Variants in THSD7A observed in about 807,000 individuals in gnomAD.
THSD7A encodes the protein thrombospondin type-1 domain-containing protein 7A.
Under a neutral mutation model 231.3 loss-of-function variants are expected in THSD7A, and 96 were observed. That is an observed-to-expected ratio of 0.41 (90% CI 0.35 to 0.49). THSD7A has a LOEUF of 0.49. Ranked by LOEUF, THSD7A falls within the 20% of genes least tolerant of loss-of-function variation. The probability of loss-of-function intolerance (pLI) is 0.05; values close to 1 mark genes in which losing one functional copy is unlikely to be tolerated. For synonymous variants in THSD7A, 940 were observed against 743.3 expected (o/e 1.26, Z -4.30); for missense variants, 2,290 against 2,070.2 (o/e 1.11, Z -2.06).
chr7:11,824,055 C>T (rs1784954458), intron 1 of THSD7A, among the ~76,000 whole-genome samples: 1 of 152,020 alleles, frequency 6.6e-6, no homozygotes, highest in Admixed American at 6.6e-5. Context: ...GCTGTCATCA[C>T]TTGAATGCAT....
chr7:11,682,469 A>G (rs1161084287), intron 1 of THSD7A, among the ~76,000 whole-genome samples: 4 of 152,130 alleles, frequency 2.6e-5, no homozygotes, highest in Non-Finnish European at 5.9e-5. Flanking sequence ...ATCAGATAAA[A>G]CAGTCTTAAA....
At position 11,706,278 on chromosome 7, in the gene THSD7A, G is replaced by C. The variant is rs2355064; in HGVS notation, c.191-69317C>G. Among the ~76,000 whole-genome samples, 1,161 of 150,926 alleles carry C rather than the reference G, an allele frequency of 7.7e-3. 14 individuals carry two copies. Among genetic ancestry groups the C allele is most frequent in the African/African-American group, 0.027 (1,096 of 41,356 alleles). ...GTCCCATGTCAACCCAAGTGCTGTGGTCTTGTCTGTGAGTGCACACTACAC... is the reference window on the plus strand; with the variant it reads ...GTCCCATGTCAACCCAAGTGCTGTGCTCTTGTCTGTGAGTGCACACTACAC... On this transcript the variant is annotated intron_variant, in intron 1 of 27. Coordinates refer to ENST00000423059, the MANE Select transcript of THSD7A (RefSeq NM_015204.3).
In THSD7A at chr7:11,429,121, G is replaced by C. The variant is rs1784406246; in HGVS notation, c.3069C>G (p.Tyr1023Ter). ...VETSRCNSHG[Y>*]IEEACIIPCP... ...AGGGGATGATGCAGGCCTCCTCAATGTAACCTGAGTAGAGGAAAATGAGAC... is the reference window on the plus strand; with the variant it reads ...AGGGGATGATGCAGGCCTCCTCAATCTAACCTGAGTAGAGGAAAATGAGAC... Residue 1023 changes from tyrosine (Y) to a stop codon, truncating the protein, a stop_gained, in exon 14 of 28, where the codon TAC (tyrosine) becomes TAG (stop). Transcript: ENST00000423059. LOFTEE classifies it high-confidence loss of function. 1 of 1,575,022 alleles carries C rather than the reference G, an allele frequency of 6.3e-7. No individual in the cohort carries two copies. The highest frequency in any genetic ancestry group is 8.6e-7 in the Non-Finnish European group (1 of 1,165,274).
chr7:11,746,530 G>T (rs532717800), intron 1 of THSD7A, among the ~76,000 whole-genome samples: 1 of 151,742 alleles, frequency 6.6e-6, no homozygotes, highest in Non-Finnish European at 1.5e-5. Context: ...GAGGAGTACT[G>T]GTCACATATT....
At chr7:11,658,169 CA>C (rs1782780753) in intron 1 of THSD7A, among the ~76,000 whole-genome samples, 2 of 151,758 alleles carry the variant, frequency 1.3e-5, no homozygotes, top group Non-Finnish European at 2.9e-5. Context: ...AAAACTGAAG[CA>C]GCTGCTGAAA....
At chr7:11,481,526 G>T (rs1409019417) in intron 7 of THSD7A, among the ~76,000 whole-genome samples, 1 of 152,074 alleles carries the variant, frequency 6.6e-6, no homozygotes, top group African/African-American at 2.4e-5. Flanking sequence ...GGTTTACAAA[G>T]AACTCTAATG....
At position 11,597,976 on chromosome 7, in the gene THSD7A, G is replaced by A. The variant is rs573589629; in HGVS notation, c.1023-4474C>T. Among the ~76,000 whole-genome samples, 226 of 152,270 alleles carry A rather than the reference G, an allele frequency of 1.5e-3. 1 individual carries two copies. Among genetic ancestry groups the A allele is most frequent in the Non-Finnish European group, 1.1e-3 (76 of 68,028 alleles). On this transcript the variant is annotated intron_variant, in intron 2 of 27. Coordinates refer to ENST00000423059, the MANE Select transcript of THSD7A (RefSeq NM_015204.3). ...GTTGACAGAGGAAGAGAAGACTAGGGTCTGGTTCAAAGATGGTTCTGCACG... is the reference window on the plus strand; with the variant it reads ...GTTGACAGAGGAAGAGAAGACTAGGATCTGGTTCAAAGATGGTTCTGCACG...
intron 2 of THSD7A, among the ~76,000 whole-genome samples, chr7:11,618,959 A>G (rs1356614122): frequency 6.6e-6 from 1 of 152,014 alleles, no homozygotes; most frequent in Non-Finnish European, 1.5e-5. Context: ...TTTATATTTT[A>G]ATGAATCGTT....
chr7:11,527,996 A>G (rs977058055), intron 6 of THSD7A, among the ~76,000 whole-genome samples: 2 of 152,130 alleles, frequency 1.3e-5, no homozygotes, highest in African/African-American at 4.8e-5. Flanking sequence ...CTACAAAAAA[A>G]TAAAAACTTA....
chr7:11,547,088 C>A (rs996023625), intron 4 of THSD7A, among the ~76,000 whole-genome samples: 3 of 152,138 alleles, frequency 2.0e-5, no homozygotes, highest in Non-Finnish European at 4.4e-5. Context: ...GACTCACTGG[C>A]ATCTCTGAAA....
intron 1 of THSD7A, among the ~76,000 whole-genome samples, chr7:11,701,755 C>T (rs976502522): frequency 6.6e-6 from 1 of 151,096 alleles, no homozygotes; most frequent in Non-Finnish European, 1.5e-5. Context: ...TTACAAAGCC[C>T]TAGCTGACAT....
chr7:11,820,330 G>T, intron 1 of THSD7A: 1 of 842,994 alleles, frequency 1.2e-6, no homozygotes, highest in Non-Finnish European at 1.7e-6. Flanking sequence ...CTCGGTTGTG[G>T]GCTGTAAATT....
intron 2 of THSD7A, among the ~76,000 whole-genome samples, chr7:11,596,385 A>T (rs1238502724): frequency 6.6e-6 from 1 of 152,134 alleles, no homozygotes; most frequent in African/African-American, 2.4e-5. Context: ...ATGGAGTTTT[A>T]GCTCAGGTCC....
intron 1 of THSD7A, chr7:11,820,450 A>C (rs368598439): frequency 5.4e-6 from 7 of 1,306,832 alleles, no homozygotes; most frequent in African/African-American, 3.0e-5. Context: ...TTTCCAGAAC[A>C]TGAACCGGCC....
intron 13 of THSD7A, among the ~76,000 whole-genome samples, chr7:11,436,332 T>G (rs552901266): frequency 1.3e-5 from 2 of 152,124 alleles, no homozygotes; most frequent in Non-Finnish European, 2.9e-5. Flanking sequence ...AAATCTAATA[T>G]TGCCATGAAA....
rs1238179674 is a variant in THSD7A, at chr7:11,824,127, C to T, written c.190+7630G>A. Among the ~76,000 whole-genome samples, 4 of 152,080 alleles carry T rather than the reference C, an allele frequency of 2.6e-5. No individual in the cohort carries two copies. The East Asian group carries it at 7.7e-4, about 29-fold the overall frequency. Reference sequence around the variant, plus strand: ...TAGAAAAGATATCTACCTTATGACTCACTGGCACCTCTACTTCACAGTCTG... The same window carrying T: ...TAGAAAAGATATCTACCTTATGACTTACTGGCACCTCTACTTCACAGTCTG... On this transcript the variant is annotated intron_variant, in intron 1 of 27. Coordinates refer to ENST00000423059, the MANE Select transcript of THSD7A (RefSeq NM_015204.3).
At chr7:11,616,943 A>C (rs1481625031) in intron 2 of THSD7A, among the ~76,000 whole-genome samples, 2 of 152,358 alleles carry the variant, frequency 1.3e-5, no homozygotes, top group Non-Finnish European at 2.9e-5. Flanking sequence ...TTAAAAATGT[A>C]ATTATCATCT....
intron 1 of THSD7A, among the ~76,000 whole-genome samples, chr7:11,802,198 G>T (rs1784295677): frequency 6.6e-6 from 1 of 152,080 alleles, no homozygotes. Flanking sequence ...CCAAATCAAG[G>T]TTCCTAGGGT....
At chr7:11,519,072 T>C (rs1788153873) in intron 6 of THSD7A, among the ~76,000 whole-genome samples, 3 of 152,216 alleles carry the variant, frequency 2.0e-5, no homozygotes, top group Non-Finnish European at 4.4e-5. Flanking sequence ...ATTTCCATTT[T>C]CTAGATAAAT....
Sources: allele counts gnomAD v4.1 joint callset (sites outside exome capture counted in the v4.1 genomes callset), GRCh38; gene constraint gnomAD v4.1.1; transcripts MANE v1.5; gene names NCBI Gene and HGNC (gene_info 2026-07-23, HGNC 2026-07-21).